ZNF804B: variants seen among roughly 807,000 people sequenced by gnomAD.
ZNF804B encodes the protein zinc finger 804B.
A neutral mutation model predicts 101.4 loss-of-function variants in ZNF804B; 80 were observed. That is an observed-to-expected ratio of 0.79 (90% CI 0.66 to 0.95). The LOEUF is 0.95. Ranked by LOEUF, ZNF804B falls within the 40% of genes least tolerant of loss-of-function variation. The pLI, the probability that ZNF804B is intolerant of heterozygous loss-of-function variation, is 0.00. For missense variants in ZNF804B, 1,673 were observed against 1,561.9 expected (o/e 1.07, Z -1.20); for synonymous variants, 622 against 558.8 (o/e 1.11, Z -1.59).
intron 2 of ZNF804B, among the ~76,000 whole-genome samples, chr7:89,311,328 ACT>A (rs761762853): frequency 1.3e-5 from 2 of 151,970 alleles, no homozygotes; most frequent in African/African-American, 2.4e-5. Context: ...ACATTCAAAC[ACT>A]CTCCACTTCG....
intron 1 of ZNF804B, among the ~76,000 whole-genome samples, chr7:88,813,425 A>AG (rs1229076023): frequency 5.2e-4 from 71 of 135,870 alleles, no homozygotes; most frequent in African/African-American, 1.8e-3. Flanking sequence ...ACTCCATCTA[A>AG]AAAAAAAAAA....
chr7:88,775,425 A>G (rs1198342288), intron 1 of ZNF804B, among the ~76,000 whole-genome samples: 1 of 152,106 alleles, frequency 6.6e-6, no homozygotes, highest in South Asian at 2.1e-4. Context: ...AAATCATCTC[A>G]AGTAGATAGA....
rs1562812904 is a variant in ZNF804B, at chr7:88,854,529, T to TCCTTTCCTTTCCTTTCCTTC, written c.108+94449_108+94450insTCCTTTCCTTTCCTTCCCTT. ...TTCCTTTCCTTTCCTTTCCTTCCTT[T>TCCTTTCCTTTCCTTTCCTTC]CCTTCCTTCCTTCCTTCCTTCCTTC... On this transcript the variant is annotated intron_variant, in intron 1 of 3. Transcript: ENST00000333190. Among the ~76,000 whole-genome samples the TCCTTTCCTTTCCTTTCCTTC allele has an allele frequency of 6.2e-4, 36 of 57,912 alleles. 3 individuals carry two copies. Among genetic ancestry groups the TCCTTTCCTTTCCTTTCCTTC allele is most frequent in the South Asian group, 5.3e-3 (7 of 1,320 alleles). 38.0% of individuals were successfully genotyped at this position (57,912 alleles called of 152,430 possible). A position where few individuals can be genotyped will look rare whatever the true frequency, so the allele number is the denominator to read the frequency against.
chr7:89,326,865 C>T (rs1790903468), intron 2 of ZNF804B, among the ~76,000 whole-genome samples: 1 of 151,910 alleles, frequency 6.6e-6, no homozygotes, highest in African/African-American at 2.4e-5. Context: ...TTCAAAATCA[C>T]ATTTAGAGCT....
intron 1 of ZNF804B, among the ~76,000 whole-genome samples, chr7:89,093,721 T>A (rs1789929192): frequency 6.6e-6 from 1 of 152,238 alleles, no homozygotes; most frequent in Admixed American, 6.5e-5. Flanking sequence ...AGTCCATGTG[T>A]CTGAAGGAAC....
intron 1 of ZNF804B, among the ~76,000 whole-genome samples, chr7:89,111,996 T>C (rs1790224553): frequency 6.6e-6 from 1 of 151,108 alleles, no homozygotes; most frequent in East Asian, 2.0e-4. Flanking sequence ...CCCACAGCTG[T>C]TTGGGAGGCT....
intron 1 of ZNF804B, among the ~76,000 whole-genome samples, chr7:89,144,767 T>A (rs1790768472): frequency 6.6e-6 from 1 of 152,040 alleles, no homozygotes; most frequent in Non-Finnish European, 1.5e-5. Context: ...CATCCAACAT[T>A]ATAAACATAT....
intron 2 of ZNF804B, among the ~76,000 whole-genome samples, chr7:89,323,507 T>G (rs1440426988): frequency 6.6e-6 from 1 of 152,152 alleles, no homozygotes; most frequent in Non-Finnish European, 1.5e-5. Flanking sequence ...AAAGGGAAAT[T>G]AATAATGTGA....
intron 1 of ZNF804B, among the ~76,000 whole-genome samples, chr7:89,217,306 A>G (rs1186264643): frequency 6.6e-6 from 1 of 152,212 alleles, no homozygotes; most frequent in African/African-American, 2.4e-5. Context: ...TTACTAACAA[A>G]GGAGCCAGGC....
intron 1 of ZNF804B, among the ~76,000 whole-genome samples, chr7:88,976,867 G>C (rs183551142): frequency 5.5e-4 from 84 of 151,732 alleles, no homozygotes; most frequent in African/African-American, 1.8e-3. Flanking sequence ...TACTACCAGT[G>C]GGTCTGTGGT....
Position 89,336,200 on chromosome 7 carries a change from T to C in ZNF804B, c.3218T>C (p.Phe1073Ser). Residue 1073 changes from phenylalanine to serine, a missense_variant, in exon 4 of 4, where the codon TTC (phenylalanine) becomes TCC (serine). Coordinates refer to ENST00000333190, the MANE Select transcript of ZNF804B (RefSeq NM_181646.5). ...AGCTGTGACCCAGTACCAAATGAATTCCCTGGTGCTTTTCCGTCTAATAAA... is the reference window on the plus strand; with the variant it reads ...AGCTGTGACCCAGTACCAAATGAATCCCCTGGTGCTTTTCCGTCTAATAAA... ...IQSCDPVPNE[F>S]PGAFPSNKYT... 6.2e-7 allele frequency: 1 copy of C among 1,613,846 alleles called. No individual in the cohort carries two copies.
At chr7:88,935,062 T>C (rs1370525296) in intron 1 of ZNF804B, among the ~76,000 whole-genome samples, 1 of 151,190 alleles carries the variant, frequency 6.6e-6, no homozygotes, top group African/African-American at 2.4e-5. Context: ...CACACACACA[T>C]ACACACATAC....
chr7:88,931,437 A>G (rs756686413), intron 1 of ZNF804B, among the ~76,000 whole-genome samples: 3 of 151,920 alleles, frequency 2.0e-5, no homozygotes, highest in African/African-American at 2.4e-5. Context: ...CATTATTTAC[A>G]TAAGGATACA....
intron 1 of ZNF804B, among the ~76,000 whole-genome samples, chr7:89,168,045 A>G (rs1791170099): frequency 6.6e-6 from 1 of 152,112 alleles, no homozygotes; most frequent in African/African-American, 2.4e-5. Flanking sequence ...GCTTGTTTCT[A>G]TTCAATGAAA....
intron 1 of ZNF804B, among the ~76,000 whole-genome samples, chr7:89,179,842 C>T (rs534416491): frequency 7.9e-5 from 12 of 152,300 alleles, no homozygotes; most frequent in African/African-American, 2.4e-4. Context: ...TTGGTCTCTG[C>T]AGCCACATCT....
rs538696247 is a variant in ZNF804B, at chr7:89,218,542, G to A, written c.249+247G>A. The stretch of plus-strand genomic sequence containing the variant: ...AGAGTAGACTGACATATTTATTTTA[G>A]AATTATATTCAGTTAACCCTTAAAC... On this transcript the variant is annotated intron_variant, in intron 2 of 3. Transcript: ENST00000333190. Among the ~76,000 whole-genome samples, 43 of 152,170 alleles carry A rather than the reference G, an allele frequency of 2.8e-4. No individual in the cohort carries two copies. In the South Asian group the frequency reaches 8.5e-3, roughly 30 times the overall value.
intron 1 of ZNF804B, among the ~76,000 whole-genome samples, chr7:88,803,158 A>G (rs922133853): frequency 4.5e-5 from 6 of 132,208 alleles, no homozygotes; most frequent in East Asian, 4.9e-4. Context: ...TTATGTTCAG[A>G]AAAAAAAACG....
chr7:88,841,742 G>A (rs1405873113), intron 1 of ZNF804B, among the ~76,000 whole-genome samples: 1 of 152,158 alleles, frequency 6.6e-6, no homozygotes, highest in African/African-American at 2.4e-5. Flanking sequence ...GTTGAGGGCT[G>A]TGCTCTCAAA....
intron 1 of ZNF804B, among the ~76,000 whole-genome samples, chr7:88,846,159 C>T (rs1043822245): frequency 6.6e-6 from 1 of 152,062 alleles, no homozygotes; most frequent in African/African-American, 2.4e-5. Context: ...CTCTTGATGT[C>T]CAATAAATCT....
Sources: allele counts gnomAD v4.1 joint callset (sites outside exome capture counted in the v4.1 genomes callset), GRCh38; gene constraint gnomAD v4.1.1; transcripts MANE v1.5; gene names NCBI Gene and HGNC (gene_info 2026-07-23, HGNC 2026-07-21).